NKTR: variants seen among roughly 807,000 people sequenced by gnomAD.
The protein encoded by NKTR is NK-tumor recognition protein.
NKTR carries 67 observed loss-of-function variants against 156.3 expected under a neutral mutation model. The observed-to-expected ratio is 0.43, with a 90% CI of 0.35 to 0.53. The LOEUF (loss-of-function observed/expected upper bound fraction) is 0.53, where lower values mean the gene tolerates loss of function less well. NKTR is among the 20% of genes least tolerant of loss of function. The probability of loss-of-function intolerance (pLI) is 0.01; values close to 1 mark genes in which losing one functional copy is unlikely to be tolerated. For missense variants in NKTR, 1,604 were observed against 1,730.9 expected (o/e 0.93, Z 1.30); for synonymous variants, 640 against 596.6 (o/e 1.07, Z -1.06).
intron 6 of NKTR, chr3:42,627,762 T>G: frequency 1.0e-6 from 1 of 983,406 alleles, no homozygotes; most frequent in Non-Finnish European, 1.2e-6. Context: ...TTTTCTTTTT[T>G]AGGTATGTTT....
intron 4 of NKTR, 185 bp downstream of exon 4, chr3:42,619,312 AT>A: frequency 7.3e-7 from 1 of 1,374,586 alleles, no homozygotes; most frequent in African/African-American, 1.5e-5. Flanking sequence ...CACGTAAGAC[AT>A]TTTATTTTGT....
At chr3:42,635,145 T>C (rs1327662594) in intron 11 of NKTR, 76 bp from the exon 12 acceptor site, 5 of 1,192,422 alleles carry the variant, frequency 4.2e-6, no homozygotes, top group Admixed American at 2.4e-5. Context: ...AGATTGGGTC[T>C]TTTACTTAAC....
At position 42,635,300 on chromosome 3, in the gene NKTR, A is replaced by AAG; in HGVS notation, c.1100_1101dup (p.Glu368ArgfsTer6). On this transcript the variant is annotated frameshift_variant, in exon 12 of 17. Coordinates refer to ENST00000232978, the MANE Select transcript of NKTR (RefSeq NM_005385.4). LOFTEE classifies it high-confidence loss of function. ...AGCAGTGAAACTCCTCCTCACTGGAAAGAGGAAATGCAGAGATTAAGAGCA... is the reference window on the plus strand; with the variant it reads ...AGCAGTGAAACTCCTCCTCACTGGAAAGAGAGGAAATGCAGAGATTAAGAGCA... The AAG allele has an allele frequency of 6.2e-7, 1 of 1,613,158 alleles. No homozygotes were observed. The highest frequency in any genetic ancestry group is 8.5e-7 in the Non-Finnish European group (1 of 1,179,152).
At chr3:42,630,323 G>A in intron 6 of NKTR, 1 of 1,374,886 alleles carries the variant, frequency 7.3e-7, no homozygotes, top group South Asian at 1.8e-5. Flanking sequence ...GTCTAATAGA[G>A]ATGATTGTAA....
At chr3:42,642,388 G>GT (rs1292868325) in intron 13 of NKTR, 113 bp from the exon 14 acceptor site, 4 of 711,954 alleles carry the variant, frequency 5.6e-6, no homozygotes, top group Non-Finnish European at 7.3e-6. Flanking sequence ...TGAGGAGTTT[G>GT]TGAGAGGCCT....
intron 1 of NKTR, 40 bp from the exon 2 acceptor site, chr3:42,600,938 CCGCCCT>C: frequency 1.6e-6 from 2 of 1,266,838 alleles, no homozygotes; most frequent in Non-Finnish European, 1.1e-6. Context: ...GCCCTCGCCC[CCGCCCT>C]CGCCCCTGCC....
intron 11 of NKTR, 147 bp downstream of exon 11, chr3:42,634,847 G>A: frequency 1.8e-6 from 1 of 566,216 alleles, no homozygotes; most frequent in Non-Finnish European, 3.1e-6. Flanking sequence ...AGGTATTGCT[G>A]TTAGATCAAA....
intron 7 of NKTR, chr3:42,630,930 T>C (rs879448804): frequency 5.6e-5 from 77 of 1,384,978 alleles, no homozygotes; most frequent in Non-Finnish European, 7.0e-5. Context: ...CCAGACTCTT[T>C]ACCCTAAAAT....
intron 10 of NKTR, 45 bp from the exon 11 acceptor site, chr3:42,634,568 C>T (rs1346615835): frequency 1.7e-5 from 19 of 1,107,250 alleles, no homozygotes; most frequent in Non-Finnish European, 2.2e-5. Flanking sequence ...AAAATTCTAG[C>T]TTCTTTGCTT....
In NKTR at chr3:42,620,542, T is replaced by C. The variant is rs146218988; in HGVS notation, c.286+834T>C. The C allele has an allele frequency of 1.9e-3, 1,886 of 984,726 alleles. 32 individuals are homozygous for C. The African/African-American group carries it at 0.031, about 16-fold the overall frequency. 61.0% of individuals were successfully genotyped at this position (984,726 alleles called of 1,614,324 possible). ...CCTTTGGGGGAAAATGGATTACTAC[T>C]CTTTTTCAGAAGCCTGTTCCCAAGG... On this transcript the variant is annotated intron_variant, in intron 5 of 16. Transcript: ENST00000232978.
rs1054107655 is a variant in NKTR at position 42,647,301 on chromosome 3, T to G, written c.*1326T>G. 1.6e-5 allele frequency: 1 copy of G among 62,676 alleles called. No individual in the cohort carries two copies. The allele number at this position is 62,676 out of a possible 1,614,324, so 3.9% of individuals were successfully genotyped here. ...GTGTGTGTGTGTGTGTGTGTGTGTGTGGTTTTTTTTTTTAATCTTTACTTT... is the reference window on the plus strand; with the variant it reads ...GTGTGTGTGTGTGTGTGTGTGTGTGGGGTTTTTTTTTTTAATCTTTACTTT... On this transcript the variant is annotated 3_prime_UTR_variant, in exon 17 of 17. Transcript: ENST00000232978.
chr3:42,638,294 A>C lies in NKTR; in HGVS notation c.2590A>C (p.Asn864His). 1 of 1,606,726 alleles carries C rather than the reference A, an allele frequency of 6.2e-7. No homozygotes were observed. The highest frequency in any genetic ancestry group is 1.3e-5 in the African/African-American group (1 of 74,310). ...PHSKKRTLKE[N>H]LSDHLRNGSK... ...TTCAAAAAAAAGAACTTTGAAAGAGAATCTTTCTGATCACCTTAGAAATGG... is the reference window on the plus strand; with the variant it reads ...TTCAAAAAAAAGAACTTTGAAAGAGCATCTTTCTGATCACCTTAGAAATGG... Residue 864 changes from asparagine to histidine, a missense_variant, in exon 13 of 17, where the codon AAT (asparagine) becomes CAT (histidine). Around this residue, in one of 6 missense-constraint regions of NKTR, gnomAD observed 1,255 missense variants for 1,243.7 expected, o/e 1.01. Transcript: ENST00000232978.
intron 2 of NKTR, among the ~76,000 whole-genome samples, chr3:42,604,098 GTTGT>G (rs1251556444): frequency 6.6e-6 from 1 of 152,152 alleles, no homozygotes; most frequent in East Asian, 1.9e-4. Flanking sequence ...TGTGCTTAGA[GTTGT>G]TTGTCACAGC....
rs1466743956 is a variant in NKTR at position 42,637,914 on chromosome 3, A to C, written c.2210A>C (p.Gln737Pro). 2 of 1,613,856 alleles carry C rather than the reference A, an allele frequency of 1.2e-6. No individual in the cohort carries two copies. The highest frequency in any genetic ancestry group is 1.7e-6 in the Non-Finnish European group (2 of 1,179,876). Residue 737 changes from glutamine to proline, a missense_variant, in exon 13 of 17, where the codon CAG (glutamine) becomes CCG (proline). Gln to Pro is a moderately conservative substitution (Grantham distance 76, BLOSUM62 -1). Transcript: ENST00000232978. ...CGAAATAAATACAGTGATCATTCAC[A>C]GTGTAGTAGATCATCTTCATATACT... The part of the protein sequence containing the change: ...HSRNKYSDHS[Q>P]CSRSSSYTSI...
intron 2 of NKTR, among the ~76,000 whole-genome samples, chr3:42,607,934 A>G (rs1186190536): frequency 2.4e-5 from 3 of 123,192 alleles, no homozygotes; most frequent in Non-Finnish European, 5.0e-5. Context: ...GACTGCTCCC[A>G]CTGCGGGCAT....
At chr3:42,628,371 T>C in intron 6 of NKTR, 1 of 985,174 alleles carries the variant, frequency 1.0e-6, no homozygotes, top group Non-Finnish European at 1.2e-6. Context: ...AACTTGAATG[T>C]CATAAAGATA....
intron 6 of NKTR, among the ~76,000 whole-genome samples, chr3:42,625,119 C>G (rs1380555012): frequency 6.6e-6 from 1 of 152,142 alleles, no homozygotes; most frequent in African/African-American, 2.4e-5. Flanking sequence ...CAAACATTGT[C>G]TTGCCTAATG....
chr3:42,607,616 A>G (rs1706350180), intron 2 of NKTR, among the ~76,000 whole-genome samples: 1 of 152,182 alleles, frequency 6.6e-6, no homozygotes, highest in Non-Finnish European at 1.5e-5. Flanking sequence ...AAATAGATGT[A>G]TATTTGTCAG....
At chr3:42,612,077 G>A (rs1706878082) in intron 2 of NKTR, among the ~76,000 whole-genome samples, 1 of 152,184 alleles carries the variant, frequency 6.6e-6, no homozygotes. Flanking sequence ...CTACAACCTG[G>A]GGAACAGAGC....
Sources: allele counts gnomAD v4.1 joint callset (sites outside exome capture counted in the v4.1 genomes callset), GRCh38; gene constraint gnomAD v4.1.1; regional missense constraint gnomAD v4.1.1; transcripts MANE v1.5; gene names NCBI Gene and HGNC (gene_info 2026-07-23, HGNC 2026-07-21).